Variants in SLC9A9 observed in about 807,000 individuals in gnomAD.
SLC9A9 encodes sodium/hydrogen exchanger 9.
SLC9A9 carries 62 observed loss-of-function variants against 77.8 expected under a neutral mutation model. The ratio of observed to expected loss-of-function variants is 0.80; its 90% CI spans 0.65 to 0.98. SLC9A9 has a LOEUF of 0.98. SLC9A9 is among the 50% of genes least tolerant of loss of function. The pLI, the probability that SLC9A9 is intolerant of heterozygous loss-of-function variation, is 0.00. For missense variants in SLC9A9, 775 were observed against 774.9 expected (o/e 1.00, Z 0.00); for synonymous variants, 320 against 283.5 (o/e 1.13, Z -1.29).
chr3:143,414,428 T>C (rs1158305363), intron 12 of SLC9A9, among the ~76,000 whole-genome samples: 1 of 152,236 alleles, frequency 6.6e-6, no homozygotes. Context: ...TTGTGGCAAC[T>C]GTATGTTGAG....
At position 143,390,731 on chromosome 3, in the gene SLC9A9, A is replaced by C. The variant is rs182103390; in HGVS notation, c.1470-8617T>G. Among the ~76,000 whole-genome samples, 342 of 152,332 alleles carry C rather than the reference A, an allele frequency of 2.2e-3. 1 individual carries two copies. Among genetic ancestry groups the C allele is most frequent in the African/African-American group, 7.9e-3 (327 of 41,584 alleles). ...GGAAGCTGTGACAGACAGCACCTGG[A>C]AAATTGGGTCACTCCCACCCTAATA... On this transcript the variant is annotated intron_variant, in intron 12 of 15. Transcript: ENST00000316549.
intron 4 of SLC9A9, among the ~76,000 whole-genome samples, chr3:143,794,333 TC>T (rs1445501791): frequency 7.7e-4 from 113 of 147,268 alleles, no homozygotes; most frequent in Non-Finnish European, 1.4e-3. Flanking sequence ...TTTTTTTTTT[TC>T]CTGCAGTGGA....
intron 14 of SLC9A9, among the ~76,000 whole-genome samples, chr3:143,283,332 G>A (rs1938280549): frequency 6.6e-6 from 1 of 152,122 alleles, no homozygotes; most frequent in South Asian, 2.1e-4. Context: ...AAGGAAAGGT[G>A]GGAAAAACAG....
In SLC9A9 at chr3:143,484,281, G is replaced by A. The variant is rs143285242; in HGVS notation, c.1315+9372C>T. 3.2e-3 allele frequency among the ~76,000 whole-genome samples: 484 copies of A among 152,238 alleles called. 2 individuals carry two copies. Among genetic ancestry groups the A allele is most frequent in the African/African-American group, 0.011 (446 of 41,538 alleles). ...TTTTCTTCTGGGTTGAGTGGGTTTT[G>A]CTCTCACGCACCCAGAAAAGGCCAG... On this transcript the variant is annotated intron_variant, in intron 11 of 15. Transcript: ENST00000316549.
intron 5 of SLC9A9, among the ~76,000 whole-genome samples, chr3:143,690,262 TA>T (rs1363398036): frequency 6.6e-6 from 1 of 151,896 alleles, no homozygotes; most frequent in Non-Finnish European, 1.5e-5. Flanking sequence ...CAGTAGAAAA[TA>T]AAAACGAAAA....
At chr3:143,665,422 A>G (rs1413207063) in intron 5 of SLC9A9, among the ~76,000 whole-genome samples, 1 of 152,248 alleles carries the variant, frequency 6.6e-6, no homozygotes, top group Non-Finnish European at 1.5e-5. Flanking sequence ...CACAATTAAA[A>G]GAACTAGAGA....
intron 2 of SLC9A9, among the ~76,000 whole-genome samples, chr3:143,817,734 C>T (rs1235200029): frequency 6.6e-6 from 1 of 152,106 alleles, no homozygotes; most frequent in Non-Finnish European, 1.5e-5. Flanking sequence ...TCAGTTGGCT[C>T]TTCTGCCATT....
At chr3:143,595,804 G>C (rs895546117) in intron 6 of SLC9A9, among the ~76,000 whole-genome samples, 54 of 152,184 alleles carry the variant, frequency 3.5e-4, no homozygotes, top group Non-Finnish European at 1.5e-4. Context: ...TTTAATCCCC[G>C]ATCTGGCACT....
chr3:143,407,037 A>G (rs1036971620), intron 12 of SLC9A9, among the ~76,000 whole-genome samples: 2 of 152,098 alleles, frequency 1.3e-5, no homozygotes, highest in African/African-American at 2.4e-5. Context: ...ATGAAAATAA[A>G]AAGATTAATG....
At chr3:143,302,676 A>C (rs949941723) in intron 14 of SLC9A9, among the ~76,000 whole-genome samples, 13 of 152,180 alleles carry the variant, frequency 8.5e-5, no homozygotes, top group African/African-American at 3.1e-4. Flanking sequence ...GCTGGCAGAA[A>C]GGACAGATCC....
chr3:143,622,406 C>T (rs2038233405), intron 6 of SLC9A9, among the ~76,000 whole-genome samples: 2 of 152,338 alleles, frequency 1.3e-5, no homozygotes, highest in South Asian at 4.1e-4. Flanking sequence ...ATCAGACTAA[C>T]AGCTGATCTC....
chr3:143,502,339 G>A (rs1259670608), intron 9 of SLC9A9, among the ~76,000 whole-genome samples: 1 of 143,028 alleles, frequency 7.0e-6, no homozygotes, highest in East Asian at 1.9e-4. Context: ...GACAATCTGT[G>A]TTTAAAAACT....
chr3:143,314,140 C>T (rs1233357667), intron 14 of SLC9A9: 4 of 152,266 alleles, frequency 2.6e-5, no homozygotes, highest in African/African-American at 9.6e-5. Context: ...ATAGGGTCTA[C>T]ATTTTCTCTT....
chr3:143,800,177 A>G (rs2008512752), intron 2 of SLC9A9, among the ~76,000 whole-genome samples: 1 of 151,966 alleles, frequency 6.6e-6, no homozygotes, highest in Admixed American at 6.6e-5. Flanking sequence ...ACCTTAATCC[A>G]CAGGTATGGG....
At chr3:143,583,823 A>T (rs1215591177) in intron 6 of SLC9A9, among the ~76,000 whole-genome samples, 1 of 152,204 alleles carries the variant, frequency 6.6e-6, no homozygotes, top group Non-Finnish European at 1.5e-5. Context: ...CAAAACTTCT[A>T]TCCAAACAGA....
intron 4 of SLC9A9, among the ~76,000 whole-genome samples, chr3:143,789,925 G>C (rs1047017866): frequency 6.6e-6 from 1 of 152,166 alleles, no homozygotes; most frequent in African/African-American, 2.4e-5. Context: ...TTTCCTGAGT[G>C]AGTTACCGAG....
intron 9 of SLC9A9, among the ~76,000 whole-genome samples, chr3:143,497,903 A>C (rs2035862839): frequency 6.6e-6 from 1 of 152,210 alleles, no homozygotes; most frequent in African/African-American, 2.4e-5. Context: ...ATCCAATTTT[A>C]ATCTATTCAT....
intron 9 of SLC9A9, among the ~76,000 whole-genome samples, chr3:143,529,812 T>C (rs1374198996): frequency 6.6e-6 from 1 of 152,194 alleles, no homozygotes; most frequent in African/African-American, 2.4e-5. Context: ...ACTAGGAAGA[T>C]TGGACACTGT....
chr3:143,603,778 G>A (rs1249866778), intron 6 of SLC9A9, among the ~76,000 whole-genome samples: 3 of 152,204 alleles, frequency 2.0e-5, no homozygotes, highest in South Asian at 2.1e-4. Flanking sequence ...ATGGACAACC[G>A]TTACTTAGGC....
Sources: gnomAD v4.1 joint callset for allele counts (sites outside exome capture counted in the v4.1 genomes callset) on GRCh38, gnomAD v4.1.1 for gene constraint, MANE v1.5 for transcripts, NCBI Gene and HGNC (gene_info 2026-07-23, HGNC 2026-07-21) for gene names.